Variants in CDPF1 observed in about 807,000 individuals in gnomAD.
CDPF1 encodes cysteine-rich DPF motif domain-containing protein 1.
A neutral mutation model predicts 8.3 loss-of-function variants in CDPF1; 8 were observed. The observed-to-expected ratio is 0.96, with a 90% CI of 0.57 to 1.74. The LOEUF is 1.74. CDPF1 is among the 40% of genes most tolerant of loss of function. The probability of loss-of-function intolerance (pLI) is 0.00; values close to 1 mark genes in which losing one functional copy is unlikely to be tolerated. For synonymous variants in CDPF1, 62 were observed against 62.9 expected (o/e 0.99, Z 0.07); for missense variants, 151 against 155.3 (o/e 0.97, Z 0.15).
rs750116836 is a variant in CDPF1, at chr22:46,248,188, T to TG, written c.96dup (p.Asn33GlnfsTer185). The TG allele has an allele frequency of 1.3e-5, 21 of 1,612,978 alleles. No individual in the cohort carries two copies. The African/African-American group carries it at 2.0e-4, about 15-fold the overall frequency. Reference sequence around the variant, plus strand: ...TGCACTCACACCATCGACTGGGTGTTGGGGGGCTTCTGTCCCACATAGCTG... The same window carrying TG: ...TGCACTCACACCATCGACTGGGTGTTGGGGGGGCTTCTGTCCCACATAGCTG... On this transcript the variant is annotated frameshift_variant, in exon 2 of 4. Coordinates refer to ENST00000314567, the MANE Select transcript of CDPF1 (RefSeq NM_207327.5). LOFTEE classifies it high-confidence loss of function. This position sits in a 1 kb window ranked among gnomAD's most constrained non-coding sequence, Gnocchi z 4.1.
At position 46,245,107 on chromosome 22, in the gene CDPF1, G is replaced by A. The variant is rs750126427; in HGVS notation, c.357C>T (p.Pro119=). Residue 119 remains proline, a synonymous_variant, in exon 4 of 4, where the codon CCC becomes CCT. Transcript: ENST00000314567. The surrounding 1 kb of genome is among the most constrained non-coding windows in gnomAD (Gnocchi z 6.9). The part of the protein sequence containing the change: ...KAPSKRTPSQ[P]GSRT ...CCAGTTGCACTCACGTCCGAGAACC[G>A]GGCTGGCTGGGGGTCCTCTTTGATG... 2.6e-5 allele frequency: 42 copies of A among 1,614,094 alleles called. No homozygotes were observed. The highest frequency in any genetic ancestry group is 1.6e-4 in the Middle Eastern group (1 of 6,082).
Position 46,247,255 on chromosome 22 carries a change from C to A in CDPF1, c.114-34G>T. 6.9e-7 allele frequency: 1 copy of A among 1,450,442 alleles called. No individual in the cohort carries two copies. The highest frequency in any genetic ancestry group is 1.4e-5 in the African/African-American group (1 of 71,614). 89.8% of individuals were successfully genotyped at this position (1,450,442 alleles called of 1,614,324 possible). A position where few individuals can be genotyped will look rare whatever the true frequency, so the allele number is the denominator to read the frequency against. On this transcript the variant is annotated intron_variant, in intron 2 of 3. Transcript: ENST00000314567. The surrounding 1 kb of genome is among the most constrained non-coding windows in gnomAD (Gnocchi z 4.3). ...GAGTGAATGCAGCGTCAGAACAGCC[C>A]AAATCTCTGCCGTCGGAAAATCAGC... is the stretch of plus-strand genomic sequence containing the variant.
At position 46,248,383 on chromosome 22, in the gene CDPF1, C is replaced by G; in HGVS notation, c.1-99G>C. The G allele has an allele frequency of 1.4e-6, 1 of 707,376 alleles. No individual in the cohort carries two copies. Among genetic ancestry groups the G allele is most frequent in the Non-Finnish European group, 2.4e-6 (1 of 408,430 alleles). The allele number at this position is 707,376 out of a possible 1,614,324, so 43.8% of individuals were successfully genotyped here. A position where few individuals can be genotyped will look rare whatever the true frequency, so the allele number is the denominator to read the frequency against. On this transcript the variant is annotated intron_variant, in intron 1 of 3. Coordinates refer to ENST00000314567, the MANE Select transcript of CDPF1 (RefSeq NM_207327.5). This position sits in a 1 kb window ranked among gnomAD's most constrained non-coding sequence, Gnocchi z 4.1. Reference sequence around the variant, plus strand: ...AGACCCTAACCATATAGTCCTAGCACAGTTTCTTGCCTCCCTACCGTACCC... The same window carrying G: ...AGACCCTAACCATATAGTCCTAGCAGAGTTTCTTGCCTCCCTACCGTACCC...
Position 46,248,973 on chromosome 22 carries a change from C to T in CDPF1, c.1-689G>A, listed in dbSNP as rs975480197. Among the ~76,000 whole-genome samples, 2 of 151,912 alleles carry T rather than the reference C, an allele frequency of 1.3e-5. No homozygotes were observed. The highest frequency in any genetic ancestry group is 2.0e-4 in the East Asian group (1 of 5,036). On this transcript the variant is annotated intron_variant, in intron 1 of 3. Transcript: ENST00000314567. The surrounding 1 kb of genome is among the most constrained non-coding windows in gnomAD (Gnocchi z 4.1). ...GACGGAGCTTGCAGTGAGCCGAGATCGCGTCACTGCACTCCAGCCTGGGAG... is the reference window on the plus strand; with the variant it reads ...GACGGAGCTTGCAGTGAGCCGAGATTGCGTCACTGCACTCCAGCCTGGGAG...
In CDPF1 at chr22:46,245,977, C is replaced by G. The variant is rs574154275; in HGVS notation, c.226-739G>C. On this transcript the variant is annotated intron_variant, in intron 3 of 3. Transcript: ENST00000314567. This position sits in a 1 kb window ranked among gnomAD's most constrained non-coding sequence, Gnocchi z 6.9. ...GCCACAAGGGACCCAAATAGAGACT[C>G]TGCTGAAGACAACAGGGGTGCCCTT... Among the ~76,000 whole-genome samples, 681 of 152,344 alleles carry G rather than the reference C, an allele frequency of 4.5e-3. 8 individuals are homozygous for G. The highest frequency in any genetic ancestry group is 0.015 in the African/African-American group (640 of 41,572).
chr22:46,247,164 G>T lies in CDPF1; in HGVS notation c.171C>A (p.Phe57Leu). 1 of 1,614,174 alleles carries T rather than the reference G, an allele frequency of 6.2e-7. No homozygotes were observed. Among genetic ancestry groups the T allele is most frequent in the South Asian group, 1.1e-5 (1 of 91,078 alleles). The change falls in exon 3 of 4, where the codon TTC (phenylalanine) becomes TTA (leucine). Residue 57 changes from phenylalanine to leucine, a missense_variant. Phe to Leu is a conservative substitution (Grantham distance 22). Transcript: ENST00000314567. This position sits in a 1 kb window ranked among gnomAD's most constrained non-coding sequence, Gnocchi z 4.3. ...AACTGCAGCACGAGCCGAGGACCAG[G>T]AATCTGTCCTTGTCGGAGGTGAAGG... Reference protein sequence around the residue: ...KDPFTSDKDRFLVLGSCCSLC... With the variant: ...KDPFTSDKDRLLVLGSCCSLC...
chr22:46,249,492 T>C lies in CDPF1; in HGVS notation c.-1+764A>G, dbSNP rs1936543368. ...GGCGAAACCCCATCTCTACTAAAAGTACAAAAATTAGCCGAGCATAGTGGC... is the reference window on the plus strand; with the variant it reads ...GGCGAAACCCCATCTCTACTAAAAGCACAAAAATTAGCCGAGCATAGTGGC... On this transcript the variant is annotated intron_variant, in intron 1 of 3. Coordinates refer to ENST00000314567, the MANE Select transcript of CDPF1 (RefSeq NM_207327.5). The surrounding 1 kb of genome is among the most constrained non-coding windows in gnomAD (Gnocchi z 4.6). 6.6e-6 allele frequency among the ~76,000 whole-genome samples: 1 copy of C among 151,784 alleles called. No homozygotes were observed. Among genetic ancestry groups the C allele is most frequent in the Non-Finnish European group, 1.5e-5 (1 of 67,948 alleles).
Position 46,245,370 on chromosome 22 carries a change from A to G in CDPF1, c.226-132T>C, listed in dbSNP as rs1324137982. On this transcript the variant is annotated intron_variant, in intron 3 of 3. Coordinates refer to ENST00000314567, the MANE Select transcript of CDPF1 (RefSeq NM_207327.5). The surrounding 1 kb of genome is among the most constrained non-coding windows in gnomAD (Gnocchi z 6.9). ...GCATGCACAGTGTGGGCAGGTGGCC[A>G]GAGCTAGACCAGCAAGAGGGAGAGC... 2.2e-6 allele frequency: 2 copies of G among 897,542 alleles called. No individual in the cohort carries two copies. Among genetic ancestry groups the G allele is most frequent in the Non-Finnish European group, 1.7e-6 (1 of 598,106 alleles). The allele number at this position is 897,542 out of a possible 1,614,324, so 55.6% of individuals were successfully genotyped here. A position where few individuals can be genotyped will look rare whatever the true frequency, so the allele number is the denominator to read the frequency against.
At position 46,246,325 on chromosome 22, in the gene CDPF1, C is replaced by T. The variant is rs1310812863; in HGVS notation, c.225+785G>A. Among the ~76,000 whole-genome samples, 1 of 152,046 alleles carries T rather than the reference C, an allele frequency of 6.6e-6. No homozygotes were observed. The highest frequency in any genetic ancestry group is 2.4e-5 in the African/African-American group (1 of 41,388). On this transcript the variant is annotated intron_variant, in intron 3 of 3. Coordinates refer to ENST00000314567, the MANE Select transcript of CDPF1 (RefSeq NM_207327.5). The surrounding 1 kb of genome is among the most constrained non-coding windows in gnomAD (Gnocchi z 7.1). ...AAGACCTCCACCTCCCCACCTGGCC[C>T]ACCCACCTTTGCAGTCTTCCTTTCC...
chr22:46,245,840 G>T lies in CDPF1; in HGVS notation c.226-602C>A, dbSNP rs996303314. ...GCCATGTGACTCAGGCTGGTTAGGGGCGTCAGCAACTGTGTGTGCCACCTC... is the reference window on the plus strand; with the variant it reads ...GCCATGTGACTCAGGCTGGTTAGGGTCGTCAGCAACTGTGTGTGCCACCTC... On this transcript the variant is annotated intron_variant, in intron 3 of 3. Transcript: ENST00000314567. This position sits in a 1 kb window ranked among gnomAD's most constrained non-coding sequence, Gnocchi z 6.9. Among the ~76,000 whole-genome samples, 1 of 152,228 alleles carries T rather than the reference G, an allele frequency of 6.6e-6. No homozygotes were observed. The highest frequency in any genetic ancestry group is 2.4e-5 in the African/African-American group (1 of 41,468).
Position 46,248,102 on chromosome 22 carries a change from A to T in CDPF1, c.113+70T>A. 1 of 1,065,158 alleles carries T rather than the reference A, an allele frequency of 9.4e-7. No individual in the cohort carries two copies. Among genetic ancestry groups the T allele is most frequent in the Non-Finnish European group, 1.4e-6 (1 of 705,024 alleles). The allele number at this position is 1,065,158 out of a possible 1,614,324, so 66.0% of individuals were successfully genotyped here. On this transcript the variant is annotated intron_variant, in intron 2 of 3. Coordinates refer to ENST00000314567, the MANE Select transcript of CDPF1 (RefSeq NM_207327.5). The surrounding 1 kb of genome is among the most constrained non-coding windows in gnomAD (Gnocchi z 4.1). The stretch of plus-strand genomic sequence containing the variant: ...CACACCTGAGACAGTTGTCAGACCT[A>T]GGCACACCACCCACCAACCAGCACT...
At position 46,248,067 on chromosome 22, in the gene CDPF1, T is replaced by C. The variant is rs9627280; in HGVS notation, c.113+105A>G. On this transcript the variant is annotated intron_variant, in intron 2 of 3. Coordinates refer to ENST00000314567, the MANE Select transcript of CDPF1 (RefSeq NM_207327.5). This position sits in a 1 kb window ranked among gnomAD's most constrained non-coding sequence, Gnocchi z 4.1. ...CATTCAGAGCCTGGCCAGGGTGGGGTCTAAAGCTCCACACCTGAGACAGTT... is the reference window on the plus strand; with the variant it reads ...CATTCAGAGCCTGGCCAGGGTGGGGCCTAAAGCTCCACACCTGAGACAGTT... The C allele has an allele frequency of 0.2, 140,816 of 702,344 alleles. 22,707 individuals are homozygous for C. The highest frequency in any genetic ancestry group is 0.69 in the African/African-American group (38,855 of 56,428). 43.5% of individuals were successfully genotyped at this position (702,344 alleles called of 1,614,324 possible).
In CDPF1 at chr22:46,246,803, G is replaced by A; in HGVS notation, c.225+307C>T. 1 of 1,584,070 alleles carries A rather than the reference G, an allele frequency of 6.3e-7. No homozygotes were observed. ...AGATCCCTCCAAGAACATCTAGAAA[G>A]TAAGTCACCATCCTGGTGAGAGGGC... On this transcript the variant is annotated intron_variant, in intron 3 of 3. Coordinates refer to ENST00000314567, the MANE Select transcript of CDPF1 (RefSeq NM_207327.5). The surrounding 1 kb of genome is among the most constrained non-coding windows in gnomAD (Gnocchi z 7.1).
rs1278839124 is a variant in CDPF1 at position 46,248,802 on chromosome 22, C to T, written c.1-518G>A. Among the ~76,000 whole-genome samples, 6 of 152,160 alleles carry T rather than the reference C, an allele frequency of 3.9e-5. No homozygotes were observed. Among genetic ancestry groups the T allele is most frequent in the African/African-American group, 1.2e-4 (5 of 41,422 alleles). On this transcript the variant is annotated intron_variant, in intron 1 of 3. Transcript: ENST00000314567. The surrounding 1 kb of genome is among the most constrained non-coding windows in gnomAD (Gnocchi z 4.1). The stretch of plus-strand genomic sequence containing the variant: ...TTGGGAGGCCAAGGCAGGCGGATCA[C>T]GAGGTCAGGAGATCGAGACCATCTA...
chr22:46,244,907 G>T lies in CDPF1; in HGVS notation c.*185C>A. The T allele has an allele frequency of 1.4e-6, 1 of 698,312 alleles. No homozygotes were observed. The highest frequency in any genetic ancestry group is 2.3e-6 in the Non-Finnish European group (1 of 428,554). 43.3% of individuals were successfully genotyped at this position (698,312 alleles called of 1,614,324 possible). Reference sequence around the variant, plus strand: ...GCATCTGCCTTTGGACTACCCTCTTGCTACAGCTCCCTGGGCCTGTGGCTG... The same window carrying T: ...GCATCTGCCTTTGGACTACCCTCTTTCTACAGCTCCCTGGGCCTGTGGCTG... On this transcript the variant is annotated 3_prime_UTR_variant, in exon 4 of 4. Coordinates refer to ENST00000314567, the MANE Select transcript of CDPF1 (RefSeq NM_207327.5). The surrounding 1 kb of genome is among the most constrained non-coding windows in gnomAD (Gnocchi z 6.7).
At chr22:46,250,053 G>C (rs1936554432) in intron 1 of CDPF1, among the ~76,000 whole-genome samples, 1 of 152,164 alleles carries the variant, frequency 6.6e-6, no homozygotes, top group Non-Finnish European at 1.5e-5. Flanking sequence ...CCCGAGGTCA[G>C]GGGGGACAGT....
chr22:46,248,681 G>C lies in CDPF1; in HGVS notation c.1-397C>G, dbSNP rs992613516. On this transcript the variant is annotated intron_variant, in intron 1 of 3. Transcript: ENST00000314567. The surrounding 1 kb of genome is among the most constrained non-coding windows in gnomAD (Gnocchi z 4.1). ...AAATCTCCTGTTTCTGCTGCTCCTA[G>C]AAGCTCTATGCCCTCACATTAGTCC... Among the ~76,000 whole-genome samples, 4 of 152,204 alleles carry C rather than the reference G, an allele frequency of 2.6e-5. 1 individual carries two copies. The highest frequency in any genetic ancestry group is 9.7e-5 in the African/African-American group (4 of 41,440).
Position 46,246,808 on chromosome 22 carries a change from TCACCATCCTGGTGAGAGGGCG to T in CDPF1, c.225+281_225+301del, listed in dbSNP as rs776604241. Reference sequence around the variant, plus strand: ...CCTCCAAGAACATCTAGAAAGTAAGTCACCATCCTGGTGAGAGGGCGCACAAGGACTGTCTGCACTGTTGGT... The same window carrying T: ...CCTCCAAGAACATCTAGAAAGTAAGTCACAAGGACTGTCTGCACTGTTGGT... On this transcript the variant is annotated intron_variant, in intron 3 of 3. Transcript: ENST00000314567. This position sits in a 1 kb window ranked among gnomAD's most constrained non-coding sequence, Gnocchi z 7.1. The T allele has an allele frequency of 1.3e-5, 20 of 1,579,104 alleles. No individual in the cohort carries two copies. In the South Asian group the frequency reaches 1.6e-4, roughly 13 times the overall value.
chr22:46,248,401 C>T lies in CDPF1; in HGVS notation c.1-117G>A. 6.4e-6 allele frequency: 4 copies of T among 624,318 alleles called. No individual in the cohort carries two copies. The highest frequency in any genetic ancestry group is 1.1e-5 in the Non-Finnish European group (4 of 350,590). 38.7% of individuals were successfully genotyped at this position (624,318 alleles called of 1,614,324 possible). ...CCTAGCACAGTTTCTTGCCTCCCTA[C>T]CGTACCCTTTTCTCTATCCCCAGCT... On this transcript the variant is annotated intron_variant, in intron 1 of 3. Transcript: ENST00000314567. This position sits in a 1 kb window ranked among gnomAD's most constrained non-coding sequence, Gnocchi z 4.1.
Sources: allele counts gnomAD v4.1 joint callset (sites outside exome capture counted in the v4.1 genomes callset), GRCh38; gene constraint gnomAD v4.1.1; non-coding constraint Gnocchi (gnomAD v3.1); transcripts MANE v1.5; gene names NCBI Gene and HGNC (gene_info 2026-07-23, HGNC 2026-07-21).